The following STK32B variants were observed in gnomAD, a reference collection of about 807,000 sequenced individuals.
STK32B encodes the protein serine/threonine-protein kinase 32B.
Under a neutral mutation model 52.6 loss-of-function variants are expected in STK32B, and 43 were observed. The ratio of observed to expected loss-of-function variants is 0.82; its 90% confidence interval spans 0.64 to 1.05. The LOEUF (loss-of-function observed/expected upper bound fraction) is 1.05. Among genes scored for constraint, STK32B ranks in the 50% least tolerant of loss-of-function variants. The probability of loss-of-function intolerance (pLI) is 0.00; values close to 1 mark genes in which losing one functional copy is unlikely to be tolerated. For missense variants in STK32B, 621 were observed against 534.6 expected, an observed-to-expected ratio of 1.16 and a Z score of -1.59; for synonymous variants, 238 against 204.3, an observed-to-expected ratio of 1.17 and a Z score of -1.41.
rs1346218075 is a variant in STK32B, at chr4:5,363,146, C to T, written c.434+31753C>T. 2.6e-5 allele frequency among the ~76,000 whole-genome samples: 4 copies of T among 152,168 alleles called. 1 individual carries two copies. The East Asian group carries it at 5.8e-4, about 22-fold the overall frequency. ...ATCAATATATCCCCAAAGCCTAACACGGTGCCTATCAGGAATGTTTAAAGG... is the reference window on the plus strand; with the variant it reads ...ATCAATATATCCCCAAAGCCTAACATGGTGCCTATCAGGAATGTTTAAAGG... On this transcript the variant is annotated intron_variant, in intron 4 of 11. Transcript: ENST00000282908.
At chr4:5,180,551 C>G (rs1261170076) in intron 3 of STK32B, among the ~76,000 whole-genome samples, 1 of 152,148 alleles carries the variant, frequency 6.6e-6, no homozygotes, top group South Asian at 2.1e-4. Flanking sequence ...GTACCACACC[C>G]TATCTCTTCC....
At chr4:5,186,768 G>A (rs1462945347) in intron 3 of STK32B, among the ~76,000 whole-genome samples, 2 of 152,184 alleles carry the variant, frequency 1.3e-5, no homozygotes, top group Non-Finnish European at 2.9e-5. Context: ...AGGGTTAAGA[G>A]GCGAGGCTCT....
At chr4:5,159,128 C>G (rs1718106231) in intron 2 of STK32B, among the ~76,000 whole-genome samples, 1 of 152,172 alleles carries the variant, frequency 6.6e-6, no homozygotes, top group African/African-American at 2.4e-5. Context: ...CTTCTCAGCT[C>G]CCCATGGGCA....
intron 2 of STK32B, among the ~76,000 whole-genome samples, chr4:5,143,752 C>T (rs1380064836): frequency 5.6e-5 from 6 of 107,178 alleles, no homozygotes; most frequent in Non-Finnish European, 9.7e-5. Context: ...AGCATGAGGA[C>T]CCGGAAGGAT....
chr4:5,045,737 G>A, the STK32B span, among the ~76,000 whole-genome samples: 12 of 152,104 alleles, frequency 7.9e-5, no homozygotes, highest in African/African-American at 1.9e-4. Flanking sequence ...GAATGCTTAC[G>A]AATTTTGCAC....
chr4:5,324,525 C>T (rs1173913783), intron 3 of STK32B, among the ~76,000 whole-genome samples: 2 of 152,154 alleles, frequency 1.3e-5, no homozygotes, highest in African/African-American at 4.8e-5. Flanking sequence ...CAGGGTTTTT[C>T]AACCTCAGCA....
chr4:5,490,410 T>G (rs1719623168), intron 11 of STK32B, among the ~76,000 whole-genome samples: 1 of 152,086 alleles, frequency 6.6e-6, no homozygotes, highest in South Asian at 2.1e-4. Flanking sequence ...CCTGGCCTGT[T>G]AGGCAGTCTT....
Position 5,400,262 on chromosome 4 carries a change from C to A in STK32B, c.472+2018C>A, listed in dbSNP as rs1462126047. Among the ~76,000 whole-genome samples the A allele has an allele frequency of 1.3e-5, 2 of 152,200 alleles. No homozygotes were observed. Among genetic ancestry groups the A allele is most frequent in the African/African-American group, 4.8e-5 (2 of 41,466 alleles). On this transcript the variant is annotated intron_variant, in intron 5 of 11. Transcript: ENST00000282908. This position sits in a 1 kb window ranked among gnomAD's most constrained non-coding sequence, Gnocchi z 6.1. The stretch of plus-strand genomic sequence containing the variant: ...TCCCAGGCAGCCTCCCCTAGGTTTT[C>A]TCTTTCCTGCCTTTTGGATTTCCAT...
intron 5 of STK32B, among the ~76,000 whole-genome samples, chr4:5,404,393 C>T (rs1419203529): frequency 2.0e-5 from 3 of 152,128 alleles, no homozygotes; most frequent in African/African-American, 7.2e-5. Flanking sequence ...TAAGGACACT[C>T]ATCATACTGA....
intron 1 of STK32B, among the ~76,000 whole-genome samples, chr4:5,099,412 A>G (rs1314445664): frequency 1.3e-5 from 2 of 150,414 alleles, no homozygotes; most frequent in Non-Finnish European, 2.9e-5. Flanking sequence ...AGTGTCTACC[A>G]GCAAGATTTC....
chr4:5,172,825 A>T (rs921486697), intron 3 of STK32B, among the ~76,000 whole-genome samples: 1 of 152,180 alleles, frequency 6.6e-6, no homozygotes, highest in Non-Finnish European at 1.5e-5. Context: ...TGGCCTCATA[A>T]AATGAGTTAG....
intron 3 of STK32B, among the ~76,000 whole-genome samples, chr4:5,293,761 T>G (rs1217241153): frequency 6.6e-6 from 1 of 152,158 alleles, no homozygotes; most frequent in Non-Finnish European, 1.5e-5. Context: ...TGATGATAGT[T>G]TCTTTTGCTG....
intron 2 of STK32B, among the ~76,000 whole-genome samples, chr4:5,153,774 C>T (rs1451482428): frequency 1.3e-5 from 2 of 152,024 alleles, no homozygotes; most frequent in Admixed American, 1.3e-4. Flanking sequence ...GTTTTTTCTA[C>T]ATGGAAAACA....
chr4:5,319,873 C>T (rs1405242014), intron 3 of STK32B, among the ~76,000 whole-genome samples: 9 of 152,152 alleles, frequency 5.9e-5, no homozygotes, highest in East Asian at 1.9e-4. Context: ...GCCTCTGCTG[C>T]GGGTGAGAAG....
chr4:5,283,764 A>G (rs1459963100), intron 3 of STK32B, among the ~76,000 whole-genome samples: 1 of 152,212 alleles, frequency 6.6e-6, no homozygotes, highest in Non-Finnish European at 1.5e-5. Context: ...ATGGAGAAGT[A>G]AAAAGTCCTG....
intron 1 of STK32B, among the ~76,000 whole-genome samples, chr4:5,114,568 C>A (rs1029347767): frequency 2.0e-5 from 3 of 152,076 alleles, no homozygotes; most frequent in African/African-American, 4.8e-5. Flanking sequence ...AATAAAAGGT[C>A]CTTCTGGCAC....
At chr4:5,150,802 C>T (rs1717302670) in intron 2 of STK32B, among the ~76,000 whole-genome samples, 1 of 152,118 alleles carries the variant, frequency 6.6e-6, no homozygotes, top group Non-Finnish European at 1.5e-5. Context: ...GAGGTTTGCC[C>T]ATAATCTCAT....
intron 3 of STK32B, among the ~76,000 whole-genome samples, chr4:5,307,546 A>ATTTTTTTTTTTTTTTT (rs769423490): frequency 7.6e-6 from 1 of 131,098 alleles, no homozygotes; most frequent in Non-Finnish European, 1.5e-5. Flanking sequence ...CATATGCTCT[A>ATTTTTTTTTTTTTTTT]TCTTTTTTTT....
intron 3 of STK32B, among the ~76,000 whole-genome samples, chr4:5,255,463 A>T (rs1218558623): frequency 6.6e-6 from 1 of 152,112 alleles, no homozygotes; most frequent in Non-Finnish European, 1.5e-5. Context: ...CAGCAAAGTG[A>T]ATTGGTCTTA....
Sources: allele counts gnomAD v4.1 joint callset (sites outside exome capture counted in the v4.1 genomes callset), GRCh38; gene constraint gnomAD v4.1.1; non-coding constraint Gnocchi (gnomAD v3.1); transcripts MANE v1.5; gene names NCBI Gene and HGNC (gene_info 2026-07-23, HGNC 2026-07-21).